Variants in FRMD5 observed in about 807,000 individuals in gnomAD.
The protein encoded by FRMD5 is FERM domain containing 5.
FRMD5 carries 20 observed loss-of-function variants against 69.0 expected under a neutral mutation model. The ratio of observed to expected loss-of-function variants is 0.29; its 90% CI spans 0.20 to 0.42. The LOEUF (loss-of-function observed/expected upper bound fraction) is 0.42. Among genes scored for constraint, FRMD5 ranks in the 10% least tolerant of loss-of-function variants. The probability of loss-of-function intolerance (pLI) is 1.00; values close to 1 mark genes in which losing one functional copy is unlikely to be tolerated. For synonymous variants in FRMD5, 271 were observed against 260.1 expected (o/e 1.04, Z -0.40); for missense variants, 595 against 708.6 (o/e 0.84, Z 1.82).
At chr15:44,085,170 T>C (rs577188652) in intron 1 of FRMD5, among the ~76,000 whole-genome samples, 34 of 152,142 alleles carry the variant, frequency 2.2e-4, no homozygotes, top group Non-Finnish European at 1.8e-4. Flanking sequence ...ATAAACAATG[T>C]GGTTTGGAGA....
chr15:44,124,749 A>G (rs534853569), intron 1 of FRMD5, among the ~76,000 whole-genome samples: 10 of 152,306 alleles, frequency 6.6e-5, no homozygotes, highest in African/African-American at 2.4e-4. Context: ...CATGCTATTT[A>G]AAACAGTGAA....
intron 1 of FRMD5, among the ~76,000 whole-genome samples, chr15:43,939,226 A>C (rs2089819746): frequency 6.6e-6 from 1 of 152,142 alleles, no homozygotes; most frequent in Non-Finnish European, 1.5e-5. Flanking sequence ...CCTGGAGATT[A>C]AATATCAGTG....
intron 7 of FRMD5, among the ~76,000 whole-genome samples, chr15:43,899,306 T>C (rs2088988946): frequency 1.3e-5 from 2 of 152,134 alleles, no homozygotes; most frequent in African/African-American, 4.8e-5. Context: ...GCTGAGGGGC[T>C]ATGTGTGGGG....
intron 13 of FRMD5, chr15:43,879,901 T>C: frequency 2.7e-6 from 1 of 365,816 alleles, no homozygotes; most frequent in Non-Finnish European, 4.9e-6. Flanking sequence ...GGAGCAGCTC[T>C]GAGAGGCCAC....
chr15:44,037,692 T>C (rs1430219076), intron 1 of FRMD5, among the ~76,000 whole-genome samples: 2 of 151,718 alleles, frequency 1.3e-5, no homozygotes, highest in Non-Finnish European at 2.9e-5. Flanking sequence ...CAGGAAATGG[T>C]CTTGATCTCT....
intron 1 of FRMD5, chr15:44,194,744 G>C (rs1414979400): frequency 1.1e-5 from 7 of 656,652 alleles, no homozygotes; most frequent in African/African-American, 1.9e-5. Context: ...GACTCGCCCC[G>C]CGGCGGCGGT....
intron 1 of FRMD5, among the ~76,000 whole-genome samples, chr15:44,151,314 G>C (rs2077443179): frequency 6.6e-6 from 1 of 150,870 alleles, no homozygotes; most frequent in Non-Finnish European, 1.5e-5. Flanking sequence ...GGAGAATGGT[G>C]TGAACCCAGG....
At chr15:44,157,109 A>G (rs2077540886) in intron 1 of FRMD5, among the ~76,000 whole-genome samples, 2 of 152,206 alleles carry the variant, frequency 1.3e-5, no homozygotes, top group South Asian at 2.1e-4. Context: ...TACAAGCTAC[A>G]TATCATATTA....
intron 1 of FRMD5, among the ~76,000 whole-genome samples, chr15:43,986,292 T>C (rs1050691287): frequency 6.6e-6 from 1 of 152,102 alleles, no homozygotes; most frequent in South Asian, 2.1e-4. Context: ...AAATGATAAC[T>C]GAAAGAGGGA....
chr15:44,083,561 ACTG>A (rs2140454375), intron 1 of FRMD5, among the ~76,000 whole-genome samples: 1 of 151,832 alleles, frequency 6.6e-6, no homozygotes, highest in Admixed American at 6.6e-5. Flanking sequence ...TTTTTCCCCC[ACTG>A]CTTTTATTTC....
chr15:44,129,563 T>C (rs905022034), intron 1 of FRMD5, among the ~76,000 whole-genome samples: 1 of 152,170 alleles, frequency 6.6e-6, no homozygotes, highest in Non-Finnish European at 1.5e-5. Flanking sequence ...AAGTAATCCT[T>C]AGAGGTTCTC....
At chr15:43,930,780 C>T (rs180788503) in intron 1 of FRMD5, among the ~76,000 whole-genome samples, 55 of 152,302 alleles carry the variant, frequency 3.6e-4, no homozygotes, top group Non-Finnish European at 6.8e-4. Context: ...CTTTGCTCAT[C>T]GCCACATGGT....
rs956892780 is a variant in FRMD5 at position 44,032,691 on chromosome 15, G to A, written c.103-108382C>T. On this transcript the variant is annotated intron_variant, in intron 1 of 13. Transcript: ENST00000417257. ...CAGTCAGAAAGGCTATTATTAAAAAGTCAAAATATAACAGATACTTGTGAG... is the reference window on the plus strand; with the variant it reads ...CAGTCAGAAAGGCTATTATTAAAAAATCAAAATATAACAGATACTTGTGAG... 8.0e-4 allele frequency among the ~76,000 whole-genome samples: 122 copies of A among 152,264 alleles called. 1 individual carries two copies. The highest frequency in any genetic ancestry group is 2.8e-3 in the African/African-American group (117 of 41,552).
intron 1 of FRMD5, among the ~76,000 whole-genome samples, chr15:43,976,730 G>A (rs138950444): frequency 4.4e-3 from 673 of 152,200 alleles, no homozygotes; most frequent in Non-Finnish European, 7.8e-3. Flanking sequence ...GCAATGGTGC[G>A]ATCTCGGCTC....
chr15:44,142,817 G>A (rs998018119), intron 1 of FRMD5, among the ~76,000 whole-genome samples: 2 of 152,182 alleles, frequency 1.3e-5, no homozygotes, highest in Non-Finnish European at 2.9e-5. Flanking sequence ...AGGCCGGGCC[G>A]CAGTGGCTCA....
chr15:44,067,248 G>C (rs1385174639), intron 1 of FRMD5, among the ~76,000 whole-genome samples: 1 of 152,186 alleles, frequency 6.6e-6, no homozygotes. Flanking sequence ...GACTAGGTAT[G>C]TGCCATGAAT....
At chr15:44,025,228 T>C (rs1595638795) in intron 1 of FRMD5, among the ~76,000 whole-genome samples, 1 of 152,170 alleles carries the variant, frequency 6.6e-6, no homozygotes, top group East Asian at 1.9e-4. Context: ...CAAAATATCA[T>C]TAAAACTCCC....
chr15:44,060,417 G>C (rs1392770342), intron 1 of FRMD5, among the ~76,000 whole-genome samples: 1 of 152,140 alleles, frequency 6.6e-6, no homozygotes, highest in Non-Finnish European at 1.5e-5. Context: ...AAATCATTCA[G>C]CTTCATGCCC....
intron 1 of FRMD5, among the ~76,000 whole-genome samples, chr15:44,179,336 G>A (rs1002093963): frequency 6.6e-6 from 1 of 152,078 alleles, no homozygotes; most frequent in Admixed American, 6.5e-5. Flanking sequence ...TTCTAATCTG[G>A]TTTTCCAAAG....
Sources: gnomAD v4.1 joint callset for allele counts (sites outside exome capture counted in the v4.1 genomes callset) on GRCh38, gnomAD v4.1.1 for gene constraint, MANE v1.5 for transcripts, NCBI Gene and HGNC (gene_info 2026-07-23, HGNC 2026-07-21) for gene names.